HDLBP: variants seen among roughly 807,000 people sequenced by gnomAD.
HDLBP encodes the protein high density lipoprotein binding protein.
Under a neutral mutation model 137.3 loss-of-function variants are expected in HDLBP, and 30 were observed. That is an observed-to-expected ratio of 0.22 (90% CI 0.16 to 0.30). HDLBP has a LOEUF of 0.30. HDLBP is among the 10% of genes least tolerant of loss of function. The pLI is 1.00. For synonymous variants in HDLBP, 606 were observed against 596.0 expected (o/e 1.02, Z -0.24); for missense variants, 1,119 against 1,667.3 (o/e 0.67, Z 5.73).
Position 241,230,698 on chromosome 2 carries a change from G to T in HDLBP, c.3474+61C>A. On this transcript the variant is annotated intron_variant, in intron 25 of 27. Coordinates refer to ENST00000310931, the MANE Select transcript of HDLBP (RefSeq NM_005336.6). The surrounding 1 kb of genome is among the most constrained non-coding windows in gnomAD (Gnocchi z 5.0). ...AAGGCCATGCCCTGCTCTTTCTTCT[G>T]GCCAGCCAGGTGCCCCCGGTGAGAG... 6.8e-7 allele frequency: 1 copy of T among 1,465,168 alleles called. No individual in the cohort carries two copies. Among genetic ancestry groups the T allele is most frequent in the Non-Finnish European group, 9.5e-7 (1 of 1,055,856 alleles). The allele number at this position is 1,465,168 out of a possible 1,614,324, so 90.8% of individuals were successfully genotyped here.
intron 1 of HDLBP, among the ~76,000 whole-genome samples, chr2:241,309,699 A>C (rs1410261925): frequency 6.6e-6 from 1 of 152,202 alleles, no homozygotes; most frequent in Non-Finnish European, 1.5e-5. Flanking sequence ...TCCTGGCAAA[A>C]AGGTATCGCT....
chr2:241,235,756 A>C (rs1209737625), intron 21 of HDLBP, 162 bp from the exon 22 acceptor site: 4 of 583,894 alleles, frequency 6.9e-6, no homozygotes, highest in Non-Finnish European at 1.2e-5. Flanking sequence ...AATAGAAAAG[A>C]ATAGGAAAAG....
At chr2:241,242,396 A>AG in intron 17 of HDLBP, 64 bp downstream of exon 17, 1 of 1,376,524 alleles carries the variant, frequency 7.3e-7, no homozygotes, top group Non-Finnish European at 1.0e-6. Flanking sequence ...CACAGTGAGA[A>AG]GCGAGAACAC....
intron 1 of HDLBP, among the ~76,000 whole-genome samples, chr2:241,269,787 T>C (rs921026983): frequency 6.6e-6 from 1 of 152,178 alleles, no homozygotes; most frequent in African/African-American, 2.4e-5. Flanking sequence ...TCCAAGTGTC[T>C]GTCCAGTCTG....
intron 1 of HDLBP, among the ~76,000 whole-genome samples, chr2:241,287,364 C>T (rs1471822288): frequency 6.6e-6 from 1 of 152,030 alleles, no homozygotes; most frequent in Non-Finnish European, 1.5e-5. Context: ...CCGCCTGTCT[C>T]CCAAAGTGCT....
At chr2:241,282,529 T>G (rs1215962051) in intron 1 of HDLBP, among the ~76,000 whole-genome samples, 1 of 152,202 alleles carries the variant, frequency 6.6e-6, no homozygotes, top group Admixed American at 6.5e-5. Context: ...TTACAGTGCT[T>G]CTCTTACTTG....
intron 7 of HDLBP, 95 bp from the exon 8 acceptor site, chr2:241,255,675 C>T: frequency 1.1e-6 from 1 of 917,042 alleles, no homozygotes; most frequent in South Asian, 1.4e-5. Flanking sequence ...GCCAAAGCGG[C>T]CCAGACTATA....
intron 1 of HDLBP, among the ~76,000 whole-genome samples, chr2:241,270,689 GCCCCATGTCCAC>G (rs2073978402): frequency 6.6e-6 from 1 of 152,126 alleles, no homozygotes; most frequent in African/African-American, 2.4e-5. Flanking sequence ...TGACCCTACA[GCCCCATGTCCAC>G]CCCGCACTGC....
chr2:241,249,790 C>T lies in HDLBP; in HGVS notation c.1512+51G>A, dbSNP rs369475027. 16 of 1,535,960 alleles carry T rather than the reference C, an allele frequency of 1.0e-5. No individual in the cohort carries two copies. The Admixed American group carries it at 3.1e-4, about 30-fold the overall frequency. On this transcript the variant is annotated intron_variant, in intron 12 of 27. Transcript: ENST00000310931. ...CAACACGCTACTCCTTAGAGGGGGC[C>T]AAGAGACGCAAGGCCAGTGCCTTTC...
chr2:241,235,157 C>A lies in HDLBP; in HGVS notation c.3108G>T (p.Glu1036Asp). The change falls in exon 23 of 28, where the codon GAG becomes GAT. Residue 1036 changes from glutamate to aspartate, a missense_variant. Glu to Asp is a conservative substitution (Grantham distance 45, BLOSUM62 2). Around this residue, in one of 4 missense-constraint regions of HDLBP, gnomAD observed 618 missense variants for 816.7 expected, o/e 0.76. Coordinates refer to ENST00000310931, the MANE Select transcript of HDLBP (RefSeq NM_005336.6). ...GCTCGGCCTGTAGCTCCTTCACACG[C>A]TCCAGCAGTCCAGCCTTGGCCCGGT... Reference protein sequence around the residue: ...NLDRAKAGLLERVKELQAEQE... With the variant: ...NLDRAKAGLLDRVKELQAEQE... 1 of 1,614,078 alleles carries A rather than the reference C, an allele frequency of 6.2e-7. No homozygotes were observed. The highest frequency in any genetic ancestry group is 8.5e-7 in the Non-Finnish European group (1 of 1,180,024).
chr2:241,297,817 C>T (rs1246538857), intron 1 of HDLBP, among the ~76,000 whole-genome samples: 1 of 151,952 alleles, frequency 6.6e-6, no homozygotes, highest in East Asian at 1.9e-4. Flanking sequence ...CTTTGGGAGG[C>T]CAAGGCGGGT....
chr2:241,273,220 G>A (rs768518528), intron 1 of HDLBP: 1 of 985,412 alleles, frequency 1.0e-6, no homozygotes, highest in Non-Finnish European at 1.2e-6. Context: ...ACACTGGCAC[G>A]AGGTCCTACA....
In HDLBP at chr2:241,227,922, T is replaced by C. The variant is rs1064767; in HGVS notation, c.*1679A>G. ...CCTGTTTCCTAAGCCGTGGTCACCC[T>C]AGCCTATGAAGCTGGAAGCTATATT... On this transcript the variant is annotated 3_prime_UTR_variant, in exon 28 of 28. Transcript: ENST00000310931. 0.2 allele frequency: 30,671 copies of C among 152,208 alleles called. 3,717 individuals carry two copies. Among genetic ancestry groups the C allele is most frequent in the East Asian group, 0.59 (3,033 of 5,166 alleles). The allele number at this position is 152,208 out of a possible 1,614,324, so 9.4% of individuals were successfully genotyped here. A position where few individuals can be genotyped will look rare whatever the true frequency, so the allele number is the denominator to read the frequency against.
Position 241,236,688 on chromosome 2 carries a change from G to C in HDLBP, c.2831C>G (p.Ser944Cys). ...GREAKDCDPG[S>C]PRRCDIIIIS... The stretch of plus-strand genomic sequence containing the variant: ...GATGATGATGTCACACCTCCTTGGA[G>C]AGCCGGGGTCACAATCTTTAGCCTC... Residue 944 changes from serine (S) to cysteine (C), a missense_variant, in exon 21 of 28, where the codon TCT (serine) becomes TGT (cysteine). Physicochemically the swap from Ser to Cys is moderately radical, Grantham distance 112 (BLOSUM62 -1). This residue lies in a region of HDLBP where 618 missense variants were observed against 816.7 expected (regional missense o/e 0.76). Transcript: ENST00000310931. 1 of 1,614,152 alleles carries C rather than the reference G, an allele frequency of 6.2e-7. No homozygotes were observed.
intron 1 of HDLBP, among the ~76,000 whole-genome samples, chr2:241,309,064 C>T (rs1289094080): frequency 1.3e-5 from 2 of 152,182 alleles, no homozygotes; most frequent in Non-Finnish European, 2.9e-5. Flanking sequence ...ACGCTCTTCC[C>T]CAGATCGCTG....
In HDLBP at chr2:241,246,895, G is replaced by A. The variant is rs1453758770; in HGVS notation, c.1819-12C>T. The A allele has an allele frequency of 6.2e-7, 1 of 1,613,964 alleles. No homozygotes were observed. The highest frequency in any genetic ancestry group is 8.5e-7 in the Non-Finnish European group (1 of 1,179,910). On this transcript the variant is annotated splice_polypyrimidine_tract_variant and intron_variant, in intron 15 of 27. Coordinates refer to ENST00000310931, the MANE Select transcript of HDLBP (RefSeq NM_005336.6). The stretch of plus-strand genomic sequence containing the variant: ...CTTTCTTCACGAATCTACAGGGAGA[G>A]AGATCACCATGAGAAGCTGACTAGA...
At chr2:241,245,661 G>T (rs893106893) in intron 16 of HDLBP, among the ~76,000 whole-genome samples, 1 of 152,100 alleles carries the variant, frequency 6.6e-6, no homozygotes, top group African/African-American at 2.4e-5. Flanking sequence ...AATTAGCCTG[G>T]TGCGGTAGCA....
At chr2:241,232,805 ACTAT>A (rs1574837627) in intron 24 of HDLBP, among the ~76,000 whole-genome samples, 1 of 151,986 alleles carries the variant, frequency 6.6e-6, no homozygotes, top group African/African-American at 2.4e-5. Context: ...CAAGACAAAG[ACTAT>A]CTCTCTCAAA....
chr2:241,259,392 T>C (rs941742982), intron 5 of HDLBP, among the ~76,000 whole-genome samples: 12 of 152,202 alleles, frequency 7.9e-5, no homozygotes, highest in African/African-American at 2.9e-4. Context: ...AGCATGTAAA[T>C]GTTGAAATAC....
Sources: allele counts gnomAD v4.1 joint callset (sites outside exome capture counted in the v4.1 genomes callset), GRCh38; gene constraint gnomAD v4.1.1; regional missense constraint gnomAD v4.1.1; non-coding constraint Gnocchi (gnomAD v3.1); transcripts MANE v1.5; gene names NCBI Gene and HGNC (gene_info 2026-07-23, HGNC 2026-07-21).